CYFIP1: variants seen among roughly 807,000 people sequenced by gnomAD.
CYFIP1 encodes cytoplasmic FMR1 interacting protein 1, also known as cytoplasmic FMR1-interacting protein 1.
CYFIP1 carries 58 observed loss-of-function variants against 163.5 expected under a neutral mutation model. The ratio of observed to expected loss-of-function variants is 0.35; its 90% CI spans 0.29 to 0.44. The LOEUF (loss-of-function observed/expected upper bound fraction) is 0.44. Ranked by LOEUF, CYFIP1 falls within the 20% of genes least tolerant of loss-of-function variation. CYFIP1 has a pLI of 1.00. For missense variants in CYFIP1, 1,338 were observed against 1,653.8 expected (o/e 0.81, Z 3.31); for synonymous variants, 663 against 660.7 (o/e 1.00, Z -0.05).
rs991858070 is a variant in CYFIP1 at position 22,917,540 on chromosome 15, G to C, written c.1674+248C>G. 3.6e-6 allele frequency: 2 copies of C among 554,440 alleles called. No homozygotes were observed. The highest frequency in any genetic ancestry group is 3.9e-5 in the African/African-American group (2 of 50,752). The allele number at this position is 554,440 out of a possible 1,614,324, so 34.3% of individuals were successfully genotyped here. ...ACTTGTGCCCACATTTTTGGGATGG[G>C]AGTTGAAATGGAGTCAGACTCCTTT... On this transcript the variant is annotated intron_variant, in intron 15 of 30. Coordinates refer to ENST00000617928, the MANE Select transcript of CYFIP1 (RefSeq NM_014608.6). This position sits in a 1 kb window ranked among gnomAD's most constrained non-coding sequence, Gnocchi z 4.2.
chr15:22,943,015 C>T (rs1361721512), intron 6 of CYFIP1, among the ~76,000 whole-genome samples, 158 bp downstream of exon 6: 8 of 152,114 alleles, frequency 5.3e-5, no homozygotes, highest in Non-Finnish European at 8.8e-5. Flanking sequence ...CCTTATCCCT[C>T]GAAGCAGGTG....
Position 22,917,500 on chromosome 15 carries a change from A to G in CYFIP1, c.1674+288T>C. 1.8e-6 allele frequency: 1 copy of G among 543,892 alleles called. No homozygotes were observed. The highest frequency in any genetic ancestry group is 3.1e-6 in the Non-Finnish European group (1 of 324,234). 33.7% of individuals were successfully genotyped at this position (543,892 alleles called of 1,614,324 possible). Reference sequence around the variant, plus strand: ...AACACCCATCAAGAAACACAGAATGAATACAGACACGTGGACTTGTGCCCA... The same window carrying G: ...AACACCCATCAAGAAACACAGAATGGATACAGACACGTGGACTTGTGCCCA... On this transcript the variant is annotated intron_variant, in intron 15 of 30. Transcript: ENST00000617928. This position sits in a 1 kb window ranked among gnomAD's most constrained non-coding sequence, Gnocchi z 4.2.
At chr15:22,942,839 C>T (rs2061935677) in intron 6 of CYFIP1, among the ~76,000 whole-genome samples, 1 of 152,226 alleles carries the variant, frequency 6.6e-6, no homozygotes, top group Non-Finnish European at 1.5e-5. Context: ...CCAAGATGCT[C>T]CCTGAGCCAG....
intron 23 of CYFIP1, among the ~76,000 whole-genome samples, chr15:22,885,600 G>A (rs959153516): frequency 1.3e-5 from 2 of 152,162 alleles, no homozygotes; most frequent in African/African-American, 2.4e-5. Context: ...GGGCATGGTG[G>A]TGGGCACCTG....
At chr15:22,872,413 T>C (rs1433615942) in intron 30 of CYFIP1, among the ~76,000 whole-genome samples, 7 of 151,518 alleles carry the variant, frequency 4.6e-5, no homozygotes, top group African/African-American at 1.7e-4. Context: ...ATAGGGAGAA[T>C]GGAAAGGAGG....
Position 22,874,592 on chromosome 15 carries a change from C to CG in CYFIP1, c.3167dup (p.Leu1057AlafsTer8). The CG allele has an allele frequency of 2.5e-6, 4 of 1,607,004 alleles. No homozygotes were observed. The highest frequency in any genetic ancestry group is 3.4e-6 in the Non-Finnish European group (4 of 1,177,402). On this transcript the variant is annotated frameshift_variant, in exon 28 of 31. Coordinates refer to ENST00000617928, the MANE Select transcript of CYFIP1 (RefSeq NM_014608.6). LOFTEE classifies it high-confidence loss of function. ...TTTCAATCAGTGGGACAAGATGCAG[C>CG]GGGGCGTACTTTGATTCTAGTCTTT...
At chr15:22,930,912 G>T (rs1260458797) in intron 11 of CYFIP1, among the ~76,000 whole-genome samples, 1 of 152,210 alleles carries the variant, frequency 6.6e-6, no homozygotes, top group African/African-American at 2.4e-5. Flanking sequence ...GGCCACAGCA[G>T]TGCACAGTAC....
intron 1 of CYFIP1, among the ~76,000 whole-genome samples, chr15:22,974,000 C>T (rs1422207561): frequency 6.6e-6 from 1 of 152,146 alleles, no homozygotes; most frequent in Non-Finnish European, 1.5e-5. Context: ...GTCAGACTGG[C>T]TCTTGTCAAA....
chr15:22,915,185 G>A (rs1440355386), intron 16 of CYFIP1: 1 of 249,418 alleles, frequency 4.0e-6, no homozygotes, highest in Admixed American at 5.5e-5. Context: ...GGCTGGAGGT[G>A]AGTGGCGCGA....
intron 11 of CYFIP1, among the ~76,000 whole-genome samples, chr15:22,930,892 T>G (rs1191181072): frequency 1.3e-5 from 2 of 152,066 alleles, no homozygotes; most frequent in Non-Finnish European, 2.9e-5. Context: ...AAGCACACAG[T>G]GTTCATAAAG....
At chr15:22,873,392 C>T (rs926518714) in intron 29 of CYFIP1, 99 bp downstream of exon 29, 3 of 1,010,236 alleles carry the variant, frequency 3.0e-6, no homozygotes, top group Non-Finnish European at 4.4e-6. Context: ...TGGTCCACTT[C>T]CTGAGCATGG....
intron 1 of CYFIP1, among the ~76,000 whole-genome samples, chr15:22,963,116 G>T (rs1567037433): frequency 6.6e-6 from 1 of 152,204 alleles, no homozygotes; most frequent in Non-Finnish European, 1.5e-5. Context: ...GTGTCTAGAG[G>T]TAAAGGGCCT....
intron 22 of CYFIP1, among the ~76,000 whole-genome samples, chr15:22,902,294 G>C (rs1244822015): frequency 6.6e-6 from 1 of 152,218 alleles, no homozygotes; most frequent in Non-Finnish European, 1.5e-5. Flanking sequence ...TCTGCACACA[G>C]AAGTGTTCAC....
intron 3 of CYFIP1, among the ~76,000 whole-genome samples, chr15:22,946,260 C>T (rs1010616109): frequency 6.6e-6 from 1 of 151,068 alleles, no homozygotes; most frequent in African/African-American, 2.4e-5. Context: ...GCCCTAATCA[C>T]ACCACTGCAC....
Position 22,869,559 on chromosome 15 carries a change from C to A in CYFIP1, c.*469G>T, listed in dbSNP as rs979830691. On this transcript the variant is annotated 3_prime_UTR_variant, in exon 31 of 31. Coordinates refer to ENST00000617928, the MANE Select transcript of CYFIP1 (RefSeq NM_014608.6). Reference sequence around the variant, plus strand: ...TTAGTGGAAGCAGGGGAATCAAGTTCACTATTTTCTGAAACACACAAAAAA... The same window carrying A: ...TTAGTGGAAGCAGGGGAATCAAGTTAACTATTTTCTGAAACACACAAAAAA... The A allele has an allele frequency of 2.0e-5, 3 of 152,588 alleles. No homozygotes were observed. The highest frequency in any genetic ancestry group is 7.2e-5 in the African/African-American group (3 of 41,420). 9.5% of individuals were successfully genotyped at this position (152,588 alleles called of 1,614,324 possible).
intron 15 of CYFIP1, 42 bp from the exon 16 acceptor site, chr15:22,916,672 A>G: frequency 6.2e-7 from 1 of 1,614,122 alleles, no homozygotes; most frequent in Non-Finnish European, 8.5e-7. Flanking sequence ...GAAAATATAC[A>G]TGGTACATTA....
chr15:22,877,905 T>G (rs57739988), intron 26 of CYFIP1, among the ~76,000 whole-genome samples: 2,598 of 152,342 alleles, frequency 0.017, 75 homozygotes, highest in African/African-American at 0.059. Context: ...TCCCCTGACA[T>G]GTGAGCCAAC....
In CYFIP1 at chr15:22,928,644, T is replaced by G. The variant is rs565757007; in HGVS notation, c.1111-616A>C. On this transcript the variant is annotated intron_variant, in intron 11 of 30. Transcript: ENST00000617928. ...CAACACACAAGTCACGTGGGTTTGC[T>G]TCTATCAAATAACCACCCCCTAAAT... Among the ~76,000 whole-genome samples the G allele has an allele frequency of 6.6e-5, 10 of 152,276 alleles. No individual in the cohort carries two copies. The South Asian group carries it at 1.9e-3, about 28-fold the overall frequency.
chr15:22,920,311 T>A (rs1041620114), intron 13 of CYFIP1, among the ~76,000 whole-genome samples: 2 of 151,928 alleles, frequency 1.3e-5, no homozygotes, highest in African/African-American at 4.8e-5. Flanking sequence ...TCTATAAGCA[T>A]GCACTACCAT....
Sources: gnomAD v4.1 joint callset for allele counts (sites outside exome capture counted in the v4.1 genomes callset) on GRCh38, gnomAD v4.1.1 for gene constraint, Gnocchi (gnomAD v3.1) non-coding constraint, MANE v1.5 for transcripts, NCBI Gene and HGNC (gene_info 2026-07-23, HGNC 2026-07-21) for gene names.